TCP11: variants seen among roughly 807,000 people sequenced by gnomAD.
The protein encoded by TCP11 is T-complex protein 11 homolog.
TCP11 carries 34 observed loss-of-function variants against 45.0 expected under a neutral mutation model. That is an observed-to-expected ratio of 0.76 (90% CI 0.57 to 1.01). The LOEUF is 1.01. Among genes scored for constraint, TCP11 ranks in the 50% least tolerant of loss-of-function variants. TCP11 has a pLI of 0.00. For synonymous variants in TCP11, 227 were observed against 227.0 expected (o/e 1.00, Z 0.00); for missense variants, 523 against 598.1 (o/e 0.87, Z 1.31).
chr6:35,129,262 GAATT>G, intron 3 of TCP11, 80 bp from the exon 4 acceptor site: 1 of 1,503,478 alleles, frequency 6.7e-7, no homozygotes, highest in Non-Finnish European at 8.9e-7. Flanking sequence ...ACCCCAAACT[GAATT>G]TGATATGGTA....
chr6:35,127,646 A>G (rs1779980149), intron 4 of TCP11, among the ~76,000 whole-genome samples: 1 of 152,268 alleles, frequency 6.6e-6, no homozygotes, highest in Non-Finnish European at 1.5e-5. Context: ...TTTATATACA[A>G]GTTGTTAGAA....
chr6:35,120,597 G>A lies in TCP11; in HGVS notation c.765C>T (p.Leu255=). 6.2e-7 allele frequency: 1 copy of A among 1,613,854 alleles called. No individual in the cohort carries two copies. Among genetic ancestry groups the A allele is most frequent in the Non-Finnish European group, 8.5e-7 (1 of 1,180,036 alleles). The change falls in exon 7 of 10, where the codon CTC becomes CTT. Residue 255 remains leucine (L), a synonymous_variant. Coordinates refer to ENST00000311875, the MANE Select transcript of TCP11 (RefSeq NM_001370687.1). This position sits in a 1 kb window ranked among gnomAD's most constrained non-coding sequence, Gnocchi z 4.9. Reference sequence around the variant, plus strand: ...CTGGGCAAGTCGGAGGTGACATGGTGAGGTCTCCTGCTGCTTGGGTCAGCC... The same window carrying A: ...CTGGGCAAGTCGGAGGTGACATGGTAAGGTCTCCTGCTGCTTGGGTCAGCC... ...TKWLTQAAGD[L]TMSPPTCPDT... is the part of the protein sequence containing the mutation.
At chr6:35,133,217 C>T (rs887801374) in intron 3 of TCP11, among the ~76,000 whole-genome samples, 2 of 151,918 alleles carry the variant, frequency 1.3e-5, no homozygotes, top group African/African-American at 4.8e-5. Context: ...TGCTCTGTTG[C>T]CTGGGCTGGA....
chr6:35,119,010 C>T (rs773863258), intron 9 of TCP11, among the ~76,000 whole-genome samples: 12 of 152,190 alleles, frequency 7.9e-5, no homozygotes, highest in African/African-American at 1.2e-4. Flanking sequence ...ACATATCCCA[C>T]ACCTAGAAGT....
intron 2 of TCP11, among the ~76,000 whole-genome samples, chr6:35,138,721 A>C (rs1461383265): frequency 6.6e-6 from 1 of 152,208 alleles, no homozygotes; most frequent in Non-Finnish European, 1.5e-5. Flanking sequence ...CACATTTTAA[A>C]ATAACTAAAA....
chr6:35,119,463 T>C, intron 8 of TCP11, 72 bp from the exon 9 acceptor site: 1 of 1,546,998 alleles, frequency 6.5e-7, no homozygotes, highest in South Asian at 1.2e-5. Context: ...CAGCATGCTG[T>C]ATACCAGATG....
intron 4 of TCP11, among the ~76,000 whole-genome samples, chr6:35,127,335 C>A (rs1324486550): frequency 6.6e-6 from 1 of 152,098 alleles, no homozygotes; most frequent in Non-Finnish European, 1.5e-5. Context: ...CTTAGTACTT[C>A]CAAGCTCAAT....
intron 4 of TCP11, among the ~76,000 whole-genome samples, chr6:35,123,031 C>T (rs1440610344): frequency 6.6e-6 from 1 of 152,164 alleles, no homozygotes; most frequent in African/African-American, 2.4e-5. Context: ...GCCTACTCTG[C>T]AAAAACGGAG....
At chr6:35,139,933 TGA>T (rs1383029899) in intron 2 of TCP11, 4 of 1,357,092 alleles carry the variant, frequency 2.9e-6, no homozygotes, top group Non-Finnish European at 4.1e-6. Context: ...TTCATTTTAC[TGA>T]GAGTTGTTTT....
chr6:35,141,187 C>T lies in TCP11; in HGVS notation c.-15+18G>A. 7.2e-7 allele frequency: 1 copy of T among 1,381,412 alleles called. No individual in the cohort carries two copies. The highest frequency in any genetic ancestry group is 1.6e-5 in the South Asian group (1 of 61,454). The allele number at this position is 1,381,412 out of a possible 1,614,324, so 85.6% of individuals were successfully genotyped here. A position where few individuals can be genotyped will look rare whatever the true frequency, so the allele number is the denominator to read the frequency against. On this transcript the variant is annotated intron_variant, in intron 1 of 9. Transcript: ENST00000311875. ...CGAAACGCCGGCCCAGGCCCGCCTCCGGCTCCCAGGCCGTCACCTCCTCCT... is the reference window on the plus strand; with the variant it reads ...CGAAACGCCGGCCCAGGCCCGCCTCTGGCTCCCAGGCCGTCACCTCCTCCT...
At position 35,118,195 on chromosome 6, in the gene TCP11, A is replaced by G; in HGVS notation, c.*74T>C. On this transcript the variant is annotated 3_prime_UTR_variant, in exon 10 of 10. Coordinates refer to ENST00000311875, the MANE Select transcript of TCP11 (RefSeq NM_001370687.1). ...GATAGAAGCTCACTGTCTGCTGGTC[A>G]CTGGTGATGTTACTCCAGGAAGATG... The G allele has an allele frequency of 1.6e-6, 2 of 1,250,522 alleles. No homozygotes were observed. Among genetic ancestry groups the G allele is most frequent in the Non-Finnish European group, 2.3e-6 (2 of 859,910 alleles). 77.5% of individuals were successfully genotyped at this position (1,250,522 alleles called of 1,614,324 possible). A position where few individuals can be genotyped will look rare whatever the true frequency, so the allele number is the denominator to read the frequency against.
intron 2 of TCP11, among the ~76,000 whole-genome samples, 195 bp from the exon 3 acceptor site, chr6:35,136,413 C>G (rs568036360): frequency 6.6e-6 from 1 of 151,580 alleles, no homozygotes; most frequent in Non-Finnish European, 1.5e-5. Context: ...AGTAGTCTAA[C>G]ACTGGGGGAA....
At chr6:35,130,916 G>A (rs1399338736) in intron 3 of TCP11, among the ~76,000 whole-genome samples, 1 of 152,166 alleles carries the variant, frequency 6.6e-6, no homozygotes, top group Non-Finnish European at 1.5e-5. Flanking sequence ...GCACACAAAT[G>A]TTTATAGCAG....
chr6:35,127,452 G>T (rs530904401), intron 4 of TCP11, among the ~76,000 whole-genome samples: 12 of 152,332 alleles, frequency 7.9e-5, no homozygotes, highest in East Asian at 3.9e-4. Flanking sequence ...ACTAGCTGAA[G>T]TTCTGGCCAA....
At position 35,120,359 on chromosome 6, in the gene TCP11, C is replaced by A. The variant is rs747977955; in HGVS notation, c.934-19G>T. ...GCAGGGTCTGGGAACCAGGGAAGAA[C>A]AGGCTGTCAGGGGAAGTCCCGATGG... On this transcript the variant is annotated intron_variant, in intron 7 of 9. Coordinates refer to ENST00000311875, the MANE Select transcript of TCP11 (RefSeq NM_001370687.1). The surrounding 1 kb of genome is among the most constrained non-coding windows in gnomAD (Gnocchi z 4.9). 2 of 1,607,768 alleles carry A rather than the reference C, an allele frequency of 1.2e-6. No homozygotes were observed. The highest frequency in any genetic ancestry group is 1.7e-6 in the Non-Finnish European group (2 of 1,175,800).
At position 35,120,194 on chromosome 6, in the gene TCP11, G is replaced by A; in HGVS notation, c.1080C>T (p.Arg360=). The change falls in exon 8 of 10, where the codon CGC becomes CGT. Residue 360 remains arginine (R), a synonymous_variant. Coordinates refer to ENST00000311875, the MANE Select transcript of TCP11 (RefSeq NM_001370687.1). The surrounding 1 kb of genome is among the most constrained non-coding windows in gnomAD (Gnocchi z 4.9). The part of the protein sequence containing the change: ...GSPQFVDKLK[R]ITKSLLEDFH... Reference sequence around the variant, plus strand: ...AGTCTTCCAACAAGGATTTGGTTATGCGTTTCAGTTTATCTACAAATTGGG... The same window carrying A: ...AGTCTTCCAACAAGGATTTGGTTATACGTTTCAGTTTATCTACAAATTGGG... The A allele has an allele frequency of 6.2e-7, 1 of 1,614,198 alleles. No individual in the cohort carries two copies. The highest frequency in any genetic ancestry group is 8.5e-7 in the Non-Finnish European group (1 of 1,180,032).
intron 4 of TCP11, 53 bp from the exon 5 acceptor site, chr6:35,122,390 A>T: frequency 6.5e-7 from 1 of 1,530,886 alleles, no homozygotes; most frequent in Non-Finnish European, 9.0e-7. Flanking sequence ...CCCAAACTTT[A>T]TCCAATGGGC....
intron 5 of TCP11, 122 bp downstream of exon 5, chr6:35,121,995 T>G (rs138784328): frequency 2.2e-6 from 2 of 906,176 alleles, no homozygotes; most frequent in East Asian, 2.5e-5. Flanking sequence ...AGAAAAAGGG[T>G]GTTAGTCAGG....
At chr6:35,122,370 T>A (rs1163570297) in intron 4 of TCP11, 33 bp from the exon 5 acceptor site, 2 of 1,599,722 alleles carry the variant, frequency 1.3e-6, no homozygotes, top group Admixed American at 3.4e-5. Context: ...GGAGTTGATC[T>A]GTTTAGATCC....
Sources: gnomAD v4.1 joint callset for allele counts (sites outside exome capture counted in the v4.1 genomes callset) on GRCh38, gnomAD v4.1.1 for gene constraint, Gnocchi (gnomAD v3.1) non-coding constraint, MANE v1.5 for transcripts, NCBI Gene and HGNC (gene_info 2026-07-23, HGNC 2026-07-21) for gene names.